The following MAML1 variants were observed in gnomAD, a reference collection of about 807,000 sequenced individuals.
The protein encoded by MAML1 is mastermind like transcriptional coactivator 1.
MAML1 carries 14 observed loss-of-function variants against 77.1 expected under a neutral mutation model. The ratio of observed to expected loss-of-function variants is 0.18; its 90% CI spans 0.12 to 0.28. The LOEUF is 0.28. Among genes scored for constraint, MAML1 ranks in the 10% least tolerant of loss-of-function variants. The pLI, the probability that MAML1 is intolerant of heterozygous loss-of-function variation, is 1.00. For missense variants in MAML1, 1,217 were observed against 1,327.8 expected (o/e 0.92, Z 1.30); for synonymous variants, 516 against 551.9 (o/e 0.93, Z 0.91).
chr5:179,744,260 C>G (rs1779338890), intron 1 of MAML1, among the ~76,000 whole-genome samples: 1 of 152,116 alleles, frequency 6.6e-6, no homozygotes, highest in Non-Finnish European at 1.5e-5. Flanking sequence ...TCTTGGCTCA[C>G]CGCAACCTCC....
chr5:179,768,796 TA>T, intron 2 of MAML1, 53 bp from the exon 3 acceptor site: 3 of 1,597,888 alleles, frequency 1.9e-6, no homozygotes, highest in Non-Finnish European at 2.6e-6. Flanking sequence ...GGATGGAGCT[TA>T]TTTGGTCTGA....
At position 179,765,593 on chromosome 5, in the gene MAML1, A is replaced by T; in HGVS notation, c.583A>T (p.Ser195Cys). Residue 195 changes from serine (S) to cysteine (C), a missense_variant, in exon 2 of 5, where the codon AGC becomes TGC. Physicochemically the swap from Ser to Cys is moderately radical, Grantham distance 112. This residue lies in a region of MAML1 where 312 missense variants were observed against 331.4 expected (regional missense o/e 0.94). Coordinates refer to ENST00000292599, the MANE Select transcript of MAML1 (RefSeq NM_014757.5). ...CAACAAAAAGCGTCTGGCTGACTCC[A>T]GCCTTCACTTGAATGGAGGCAGTAA... ...SLNKKRLADSSLHLNGGSNPS... is the reference protein window; with the variant it reads ...SLNKKRLADSCLHLNGGSNPS... The T allele has an allele frequency of 6.2e-7, 1 of 1,614,212 alleles. No homozygotes were observed. The highest frequency in any genetic ancestry group is 8.5e-7 in the Non-Finnish European group (1 of 1,180,042).
intron 1 of MAML1, among the ~76,000 whole-genome samples, chr5:179,742,961 A>T (rs911405909): frequency 3.9e-5 from 6 of 152,148 alleles, no homozygotes; most frequent in Non-Finnish European, 7.4e-5. Context: ...TAAAGGCAAG[A>T]AGGTGAGTTA....
intron 1 of MAML1, among the ~76,000 whole-genome samples, chr5:179,747,710 T>A (rs1779407143): frequency 7.0e-6 from 1 of 142,774 alleles, no homozygotes; most frequent in Non-Finnish European, 1.5e-5. Context: ...CTTGGGAGGC[T>A]GAGGCAGGAG....
At chr5:179,770,303 C>T (rs551451942) in intron 3 of MAML1, among the ~76,000 whole-genome samples, 2 of 152,230 alleles carry the variant, frequency 1.3e-5, no homozygotes, top group African/African-American at 4.8e-5. Context: ...AAAAAATTAG[C>T]CAAGTGTGGT....
In MAML1 at chr5:179,769,616, G is replaced by A. The variant is rs566060324; in HGVS notation, c.1971+527G>A. Among the ~76,000 whole-genome samples the A allele has an allele frequency of 2.6e-5, 4 of 152,000 alleles. No individual in the cohort carries two copies. The highest frequency in any genetic ancestry group is 9.6e-5 in the African/African-American group (4 of 41,454). On this transcript the variant is annotated intron_variant, in intron 3 of 4. Transcript: ENST00000292599. The surrounding 1 kb of genome is among the most constrained non-coding windows in gnomAD (Gnocchi z 4.2). ...CACCCAGGCTGGACTGCAGTGGTGC[G>A]ATCTTGGCTCACTGCAGCCTCCACC... is the stretch of plus-strand genomic sequence containing the variant.
At chr5:179,746,044 AAC>A (rs921669469) in intron 1 of MAML1, among the ~76,000 whole-genome samples, 2 of 149,954 alleles carry the variant, frequency 1.3e-5, no homozygotes, top group African/African-American at 4.9e-5. Context: ...AAAAAAAAAA[AAC>A]AAAACCAAAA....
At chr5:179,745,176 A>G (rs900398333) in intron 1 of MAML1, among the ~76,000 whole-genome samples, 19 of 151,826 alleles carry the variant, frequency 1.3e-4, no homozygotes, top group Admixed American at 9.8e-4. Context: ...AAGTGCTGGG[A>G]TTACAGGCGT....
intron 3 of MAML1, chr5:179,770,800 C>T (rs574391849): frequency 8.4e-5 from 15 of 178,880 alleles, no homozygotes; most frequent in East Asian, 8.1e-4. Context: ...TTCCCACCAG[C>T]GGTGTATGAG....
At position 179,766,600 on chromosome 5, in the gene MAML1, G is replaced by C. The variant is rs372818292; in HGVS notation, c.1590G>C (p.Pro530=). Residue 530 remains proline, a synonymous_variant, in exon 2 of 5, where the codon CCG becomes CCC. Transcript: ENST00000292599. This position sits in a 1 kb window ranked among gnomAD's most constrained non-coding sequence, Gnocchi z 4.0. ...AAGCGGACTGTGGGCAAGGCAGCCCGGGGTCTGGCCAGAGCAAGCCAGCCC... is the reference window on the plus strand; with the variant it reads ...AAGCGGACTGTGGGCAAGGCAGCCCCGGGTCTGGCCAGAGCAAGCCAGCCC... ...HYKADCGQGS[P]GSGQSKPALM... 4 of 1,612,676 alleles carry C rather than the reference G, an allele frequency of 2.5e-6. No homozygotes were observed. The African/African-American group carries it at 4.0e-5, about 16-fold the overall frequency.
At chr5:179,753,942 G>C (rs1358453562) in intron 1 of MAML1, among the ~76,000 whole-genome samples, 2 of 151,816 alleles carry the variant, frequency 1.3e-5, no homozygotes, top group East Asian at 2.0e-4. Context: ...AAAGTGCTGG[G>C]ATTACAGGCG....
chr5:179,733,358 C>G lies in MAML1; in HGVS notation c.246C>G (p.Ala82=), dbSNP rs1266400148. The change falls in exon 1 of 5, where the codon GCC becomes GCG. Residue 82 remains alanine (A), a synonymous_variant. Coordinates refer to ENST00000292599, the MANE Select transcript of MAML1 (RefSeq NM_014757.5). ...GKHRQPPAAT[A]PAPAAPAPRL... ...ACAGGCAGCCGCCCGCCGCCACGGC[C>G]CCGGCGCCCGCCGCCCCGGCCCCGC... 4.8e-6 allele frequency: 6 copies of G among 1,244,010 alleles called. No individual in the cohort carries two copies. The highest frequency in any genetic ancestry group is 6.0e-6 in the Non-Finnish European group (6 of 996,184). The allele number at this position is 1,244,010 out of a possible 1,614,324, so 77.1% of individuals were successfully genotyped here.
Position 179,766,379 on chromosome 5 carries a change from C to A in MAML1, c.1369C>A (p.Gln457Lys). 1 of 1,608,750 alleles carries A rather than the reference C, an allele frequency of 6.2e-7. No homozygotes were observed. The highest frequency in any genetic ancestry group is 8.5e-7 in the Non-Finnish European group (1 of 1,177,024). ...EKPASPSSYK[Q>K]DFTNSKLLMM... ...GCCTGCCAGCCCTTCCAGCTACAAG[C>A]AAGACTTCACTAACTCCAAACTGCT... Residue 457 changes from glutamine to lysine, a missense_variant, in exon 2 of 5, where the codon CAA becomes AAA. By Grantham distance (53) the Gln-to-Lys change is moderately conservative (BLOSUM62 1). Coordinates refer to ENST00000292599, the MANE Select transcript of MAML1 (RefSeq NM_014757.5). This position sits in a 1 kb window ranked among gnomAD's most constrained non-coding sequence, Gnocchi z 4.0.
Position 179,733,163 on chromosome 5 carries a change from C to T in MAML1, c.51C>T (p.Ser17=), listed in dbSNP as rs1292292992. The part of the protein sequence containing the change: ...PMAEFALPRH[S]AVMERLRRRI... ...CGGAGTTCGCGCTGCCGCGGCACAG[C>T]GCGGTCATGGAGCGCCTTCGCCGGC... is the stretch of plus-strand genomic sequence containing the variant. Residue 17 remains serine (S), a synonymous_variant, in exon 1 of 5, where the codon AGC becomes AGT. Transcript: ENST00000292599. The T allele has an allele frequency of 1.4e-6, 2 of 1,462,350 alleles. No homozygotes were observed. Among genetic ancestry groups the T allele is most frequent in the Non-Finnish European group, 1.8e-6 (2 of 1,110,198 alleles). The allele number at this position is 1,462,350 out of a possible 1,614,324, so 90.6% of individuals were successfully genotyped here.
chr5:179,753,377 C>T (rs1380605656), intron 1 of MAML1, among the ~76,000 whole-genome samples: 4 of 152,114 alleles, frequency 2.6e-5, no homozygotes, highest in South Asian at 2.1e-4. Flanking sequence ...CTCCGTGCTA[C>T]GTTTGATAAT....
intron 1 of MAML1, among the ~76,000 whole-genome samples, chr5:179,752,470 C>T (rs1447142435): frequency 4.1e-5 from 6 of 144,706 alleles, no homozygotes; most frequent in African/African-American, 7.6e-5. Context: ...TTAAAATTGG[C>T]ACCATCTGTT....
In MAML1 at chr5:179,775,074, C is replaced by T; in HGVS notation, c.*197C>T. The T allele has an allele frequency of 7.2e-7, 1 of 1,391,700 alleles. No individual in the cohort carries two copies. Among genetic ancestry groups the T allele is most frequent in the Non-Finnish European group, 9.3e-7 (1 of 1,076,572 alleles). The allele number at this position is 1,391,700 out of a possible 1,614,324, so 86.2% of individuals were successfully genotyped here. A position where few individuals can be genotyped will look rare whatever the true frequency, so the allele number is the denominator to read the frequency against. ...AGGCCAGCAGTTGAGGTCCATCGGG[C>T]TGGCCCCAGCCCATCTGCTGGCATC... is the stretch of plus-strand genomic sequence containing the variant. On this transcript the variant is annotated 3_prime_UTR_variant, in exon 5 of 5. Transcript: ENST00000292599.
At position 179,776,481 on chromosome 5, in the gene MAML1, A is replaced by G. The variant is rs775072791; in HGVS notation, c.*1604A>G. The G allele has an allele frequency of 1.6e-4, 157 of 985,674 alleles. No homozygotes were observed. The highest frequency in any genetic ancestry group is 1.8e-4 in the Non-Finnish European group (151 of 829,942). 61.1% of individuals were successfully genotyped at this position (985,674 alleles called of 1,614,324 possible). A position where few individuals can be genotyped will look rare whatever the true frequency, so the allele number is the denominator to read the frequency against. On this transcript the variant is annotated 3_prime_UTR_variant, in exon 5 of 5. Coordinates refer to ENST00000292599, the MANE Select transcript of MAML1 (RefSeq NM_014757.5). ...ATAGCCATTTGCCACCCCAAGTGGTATGTCGGCCATTTCTCCTTAAAACAC... is the reference window on the plus strand; with the variant it reads ...ATAGCCATTTGCCACCCCAAGTGGTGTGTCGGCCATTTCTCCTTAAAACAC...
chr5:179,776,144 T>C lies in MAML1; in HGVS notation c.*1267T>C, dbSNP rs1756130320. 1.0e-6 allele frequency: 1 copy of C among 985,766 alleles called. No homozygotes were observed. 61.1% of individuals were successfully genotyped at this position (985,766 alleles called of 1,614,324 possible). ...CGAAGATGGAGAGAGCACTTCCCCG[T>C]AACGAAAGCAAAGTGGTAAGCACAG... On this transcript the variant is annotated 3_prime_UTR_variant, in exon 5 of 5. Transcript: ENST00000292599.
Sources: allele counts gnomAD v4.1 joint callset (sites outside exome capture counted in the v4.1 genomes callset), GRCh38; gene constraint gnomAD v4.1.1; regional missense constraint gnomAD v4.1.1; non-coding constraint Gnocchi (gnomAD v3.1); transcripts MANE v1.5; gene names NCBI Gene and HGNC (gene_info 2026-07-23, HGNC 2026-07-21).